The following CCSER1 variants were observed in gnomAD, a reference collection of about 807,000 sequenced individuals.
The protein encoded by CCSER1 is coiled-coil serine rich protein 1, also known as serine-rich coiled-coil domain-containing protein 1.
CCSER1 carries 41 observed loss-of-function variants against 82.0 expected under a neutral mutation model. That is an observed-to-expected ratio of 0.50 (90% CI 0.39 to 0.65). The LOEUF (loss-of-function observed/expected upper bound fraction) is 0.65. CCSER1 is among the 30% of genes least tolerant of loss of function. CCSER1 has a pLI of 0.00. For missense variants in CCSER1, 1,119 were observed against 1,064.2 expected, an observed-to-expected ratio of 1.05 and a Z score of -0.72; for synonymous variants, 414 against 383.9, an observed-to-expected ratio of 1.08 and a Z score of -0.92.
chr4:91,353,985 G>T (rs1193773000), intron 10 of CCSER1, among the ~76,000 whole-genome samples: 1 of 152,132 alleles, frequency 6.6e-6, no homozygotes, highest in Non-Finnish European at 1.5e-5. Context: ...GCAACAATTA[G>T]TAAGGTTAAT....
chr4:91,543,667 T>C (rs1761727329), intron 10 of CCSER1, among the ~76,000 whole-genome samples: 1 of 152,210 alleles, frequency 6.6e-6, no homozygotes, highest in Admixed American at 6.5e-5. Context: ...TACCCAGAGA[T>C]CCACTGTTAG....
intron 8 of CCSER1, among the ~76,000 whole-genome samples, chr4:90,879,052 C>T (rs1195358769): frequency 6.6e-6 from 1 of 152,036 alleles, no homozygotes; most frequent in Non-Finnish European, 1.5e-5. Context: ...GGTTTTGCTC[C>T]CTGTCTAGCA....
At chr4:91,129,001 G>A (rs1325546704) in intron 10 of CCSER1, among the ~76,000 whole-genome samples, 1 of 152,058 alleles carries the variant, frequency 6.6e-6, no homozygotes, top group African/African-American at 2.4e-5. Context: ...TGGATTCAGG[G>A]ATGGTGAATT....
intron 9 of CCSER1, among the ~76,000 whole-genome samples, chr4:90,942,949 CAT>C (rs35680938): frequency 0.019 from 2,784 of 145,102 alleles, 93 homozygotes; most frequent in African/African-American, 0.066. Context: ...AATTATTTTT[CAT>C]ATATATATAT....
intron 10 of CCSER1, among the ~76,000 whole-genome samples, chr4:91,445,646 ATCTC>A (rs937982913): frequency 6.6e-6 from 1 of 151,958 alleles, no homozygotes; most frequent in Non-Finnish European, 1.5e-5. Flanking sequence ...ATTTGTTTTT[ATCTC>A]TCTATTTATA....
intron 8 of CCSER1, among the ~76,000 whole-genome samples, chr4:90,832,474 G>C (rs949196831): frequency 4.6e-5 from 7 of 152,066 alleles, no homozygotes; most frequent in African/African-American, 1.7e-4. Context: ...TCATCGCTTT[G>C]AGTTGACTTT....
intron 8 of CCSER1, among the ~76,000 whole-genome samples, chr4:90,830,989 A>G (rs1761048490): frequency 6.6e-6 from 1 of 152,036 alleles, no homozygotes; most frequent in Non-Finnish European, 1.5e-5. Context: ...TATTCCACTT[A>G]CTGTTCCCAA....
chr4:90,331,154 T>C (rs945930653), intron 3 of CCSER1, among the ~76,000 whole-genome samples: 1 of 152,100 alleles, frequency 6.6e-6, no homozygotes, highest in African/African-American at 2.4e-5. Context: ...CCTATTTTAC[T>C]GAAACAATAG....
chr4:90,967,964 C>T (rs1453380559), intron 9 of CCSER1, among the ~76,000 whole-genome samples: 1 of 152,124 alleles, frequency 6.6e-6, no homozygotes, highest in African/African-American at 2.4e-5. Context: ...CAGTAAAGCT[C>T]AGTGCCAAGA....
intron 1 of CCSER1, among the ~76,000 whole-genome samples, chr4:90,286,310 C>T (rs907877203): frequency 6.6e-6 from 1 of 151,874 alleles, no homozygotes; most frequent in Non-Finnish European, 1.5e-5. Flanking sequence ...TTCTCTTTCA[C>T]TACCTGTTAT....
At chr4:90,768,613 A>G (rs1751619072) in intron 7 of CCSER1, among the ~76,000 whole-genome samples, 1 of 152,194 alleles carries the variant, frequency 6.6e-6, no homozygotes, top group African/African-American at 2.4e-5. Flanking sequence ...TACATGTCTC[A>G]TAGTTTTCAA....
chr4:91,028,084 A>T (rs1740646481), intron 9 of CCSER1, among the ~76,000 whole-genome samples: 1 of 152,044 alleles, frequency 6.6e-6, no homozygotes, highest in Non-Finnish European at 1.5e-5. Context: ...ATAATTGAAC[A>T]TACTTGTATT....
At chr4:90,668,672 T>C (rs1208145090) in intron 6 of CCSER1, among the ~76,000 whole-genome samples, 2 of 152,074 alleles carry the variant, frequency 1.3e-5, no homozygotes, top group South Asian at 2.1e-4. Context: ...AGTTAAATAT[T>C]CCTTGAGAGA....
intron 10 of CCSER1, among the ~76,000 whole-genome samples, chr4:91,382,669 C>G (rs1750995881): frequency 6.6e-6 from 1 of 152,062 alleles, no homozygotes; most frequent in South Asian, 2.1e-4. Flanking sequence ...TGAGGCGATC[C>G]CTCACCCTCC....
chr4:91,585,610 C>T (rs79976643), intron 10 of CCSER1, among the ~76,000 whole-genome samples: 3 of 151,350 alleles, frequency 2.0e-5, no homozygotes, highest in Non-Finnish European at 4.4e-5. Context: ...GAATTAAATT[C>T]TGGGTTGTGA....
At chr4:90,938,923 A>G (rs1731273999) in intron 9 of CCSER1, 1 of 161,152 alleles carries the variant, frequency 6.2e-6, no homozygotes, top group Admixed American at 6.3e-5. Flanking sequence ...GATTCAACTA[A>G]CATATTTCTG....
chr4:90,825,596 T>A (rs1267246472), intron 8 of CCSER1, among the ~76,000 whole-genome samples: 1 of 152,148 alleles, frequency 6.6e-6, no homozygotes, highest in African/African-American at 2.4e-5. Context: ...TACAGCAAAT[T>A]TAGTTTAAAG....
At chr4:90,597,208 T>C (rs771154282) in intron 5 of CCSER1, among the ~76,000 whole-genome samples, 5 of 151,990 alleles carry the variant, frequency 3.3e-5, no homozygotes, top group Admixed American at 1.3e-4. Context: ...AAAAATACCG[T>C]AACCTGCAGT....
At position 91,006,942 on chromosome 4, in the gene CCSER1, G is replaced by C. The variant is rs566270578; in HGVS notation, c.2173-79008G>C. On this transcript the variant is annotated intron_variant, in intron 9 of 10. Transcript: ENST00000509176. ...AATATATGGTTTTTATTGGGTTGAG[G>C]TACATACTTGCTATCCCTAATTTGT... is the stretch of plus-strand genomic sequence containing the variant. Among the ~76,000 whole-genome samples the C allele has an allele frequency of 3.9e-5, 6 of 152,204 alleles. No homozygotes were observed. The South Asian group carries it at 1.2e-3, about 32-fold the overall frequency.
Sources: gnomAD v4.1 joint callset for allele counts (sites outside exome capture counted in the v4.1 genomes callset) on GRCh38, gnomAD v4.1.1 for gene constraint, MANE v1.5 for transcripts, NCBI Gene and HGNC (gene_info 2026-07-23, HGNC 2026-07-21) for gene names.